SOCS5: variants seen among roughly 807,000 people sequenced by gnomAD.
SOCS5 encodes the protein CIS-6.
SOCS5 carries 32 observed loss-of-function variants against 42.8 expected under a neutral mutation model. That is an observed-to-expected ratio of 0.75 (90% confidence interval 0.56 to 1.01). The LOEUF (loss-of-function observed/expected upper bound fraction) is 1.01. Ranked by LOEUF, SOCS5 falls within the 50% of genes least tolerant of loss-of-function variation. The pLI is 0.00. For synonymous variants in SOCS5, 283 were observed against 229.6 expected (o/e 1.23, Z -2.10); for missense variants, 627 against 653.0 (o/e 0.96, Z 0.43).
chr2:46,732,636 C>A (rs1242755302), intron 1 of SOCS5, among the ~76,000 whole-genome samples: 1 of 152,154 alleles, frequency 6.6e-6, no homozygotes, highest in East Asian at 1.9e-4. Context: ...AAACTATTTC[C>A]CAGTGCTGAT....
chr2:46,747,403 GCAGGGTTTTGCCTTGTTGCC>G (rs1673526964), intron 1 of SOCS5, among the ~76,000 whole-genome samples: 1 of 151,876 alleles, frequency 6.6e-6, no homozygotes, highest in Non-Finnish European at 1.5e-5. Context: ...GTATATAGAG[GCAGGGTTTTGCCTTGTTGCC>G]CAGGCTGGTC....
intron 1 of SOCS5, among the ~76,000 whole-genome samples, 170 bp from the exon 2 acceptor site, chr2:46,758,349 C>T (rs1341011671): frequency 6.6e-6 from 1 of 152,226 alleles, no homozygotes; most frequent in African/African-American, 2.4e-5. Context: ...GGTGGCCTTC[C>T]TGCTGCCCAA....
chr2:46,745,746 C>A (rs1673481392), intron 1 of SOCS5, among the ~76,000 whole-genome samples: 1 of 152,178 alleles, frequency 6.6e-6, no homozygotes. Flanking sequence ...AGACTCTGCA[C>A]AAATCTCTTT....
At chr2:46,725,762 C>G (rs757993372) in intron 1 of SOCS5, among the ~76,000 whole-genome samples, 4 of 152,058 alleles carry the variant, frequency 2.6e-5, no homozygotes, top group Non-Finnish European at 5.9e-5. Flanking sequence ...CCCTTGATAT[C>G]ATTTCTCTTC....
At chr2:46,725,044 T>C (rs1422540745) in intron 1 of SOCS5, among the ~76,000 whole-genome samples, 1 of 152,132 alleles carries the variant, frequency 6.6e-6, no homozygotes, top group Non-Finnish European at 1.5e-5. Context: ...TTTGAAGTTC[T>C]GTTGTTAGGT....
chr2:46,759,766 C>T lies in SOCS5; in HGVS notation c.1236C>T (p.Asp412=). 6.2e-7 allele frequency: 1 copy of T among 1,614,168 alleles called. No individual in the cohort carries two copies. The highest frequency in any genetic ancestry group is 8.5e-7 in the Non-Finnish European group (1 of 1,180,016). ...TGCTCAGGGACTCTGCGCAAGAGGA[C>T]TACCTCTTCTCTGTGAGCTTCCGCC... is the stretch of plus-strand genomic sequence containing the variant. ...TFLLRDSAQE[D]YLFSVSFRRY... Residue 412 remains aspartate (D), a synonymous_variant, in exon 2 of 2, where the codon GAC becomes GAT. Transcript: ENST00000394861.
chr2:46,700,156 G>A (rs989529435), intron 1 of SOCS5, among the ~76,000 whole-genome samples: 15 of 152,194 alleles, frequency 9.9e-5, no homozygotes, highest in Non-Finnish European at 1.0e-4. Context: ...ATTTAAAGAA[G>A]GATGCTAAAA....
At chr2:46,739,622 C>T (rs1673325612) in intron 1 of SOCS5, among the ~76,000 whole-genome samples, 1 of 152,148 alleles carries the variant, frequency 6.6e-6, no homozygotes, top group Non-Finnish European at 1.5e-5. Context: ...TGCCCTTTCC[C>T]AGTCATACTC....
intron 1 of SOCS5, among the ~76,000 whole-genome samples, chr2:46,711,925 C>G (rs915300321): frequency 7.2e-5 from 11 of 151,750 alleles, no homozygotes; most frequent in African/African-American, 2.4e-4. Context: ...AAACTCTATT[C>G]TGTTCATCTG....
At chr2:46,722,245 C>T (rs1437807015) in intron 1 of SOCS5, among the ~76,000 whole-genome samples, 3 of 151,970 alleles carry the variant, frequency 2.0e-5, no homozygotes, top group Non-Finnish European at 4.4e-5. Flanking sequence ...TTAAAGTCTC[C>T]TTCCAGCTGT....
At chr2:46,731,519 G>C (rs1673123763) in intron 1 of SOCS5, among the ~76,000 whole-genome samples, 2 of 152,214 alleles carry the variant, frequency 1.3e-5, no homozygotes, top group Admixed American at 6.5e-5. Context: ...GGAGTTTACT[G>C]TCTATTGAAA....
intron 1 of SOCS5, among the ~76,000 whole-genome samples, chr2:46,729,819 TAAC>T (rs1673075587): frequency 6.6e-6 from 1 of 152,248 alleles, no homozygotes; most frequent in Non-Finnish European, 1.5e-5. Flanking sequence ...TAGCTTCCTT[TAAC>T]TTTTTTACTT....
chr2:46,724,261 C>G (rs1672946301), intron 1 of SOCS5, among the ~76,000 whole-genome samples: 1 of 150,570 alleles, frequency 6.6e-6, no homozygotes, highest in Admixed American at 6.6e-5. Flanking sequence ...CTTTCACTGG[C>G]TAGGATGTCA....
At chr2:46,732,705 C>T (rs184911576) in intron 1 of SOCS5, among the ~76,000 whole-genome samples, 27 of 152,296 alleles carry the variant, frequency 1.8e-4, no homozygotes, top group African/African-American at 5.8e-4. Flanking sequence ...CAGCTGGGCT[C>T]TGAGAATCTG....
At chr2:46,752,587 CTT>C (rs1673648174) in intron 1 of SOCS5, among the ~76,000 whole-genome samples, 1 of 152,152 alleles carries the variant, frequency 6.6e-6, no homozygotes, top group Non-Finnish European at 1.5e-5. Flanking sequence ...ATATTCATCT[CTT>C]ATAATTTCTT....
rs1463945846 is a variant in SOCS5 at position 46,759,343 on chromosome 2, T to C, written c.813T>C (p.Ser271=). The part of the protein sequence containing the change: ...EDRLRERRRL[S]IEEGVDPPPN... ...GGCTTAGAGAGAGAAGGCGGCTTAG[T>C]ATTGAAGAAGGGGTTGATCCCCCTC... The change falls in exon 2 of 2, where the codon AGT becomes AGC. Residue 271 remains serine, a synonymous_variant. Transcript: ENST00000394861. 6 of 1,613,958 alleles carry C rather than the reference T, an allele frequency of 3.7e-6. No homozygotes were observed. The highest frequency in any genetic ancestry group is 5.1e-6 in the Non-Finnish European group (6 of 1,179,836).
At chr2:46,747,806 A>G (rs1673538438) in intron 1 of SOCS5, among the ~76,000 whole-genome samples, 1 of 152,156 alleles carries the variant, frequency 6.6e-6, no homozygotes, top group Non-Finnish European at 1.5e-5. Flanking sequence ...AAATATTTAC[A>G]TCTGAGAGCT....
At chr2:46,725,209 T>C (rs2103717985) in intron 1 of SOCS5, among the ~76,000 whole-genome samples, 1 of 152,212 alleles carries the variant, frequency 6.6e-6, no homozygotes, top group East Asian at 1.9e-4. Context: ...TAGTTCTATG[T>C]TATATCTTTT....
intron 1 of SOCS5, among the ~76,000 whole-genome samples, chr2:46,728,755 C>T (rs1373254787): frequency 6.6e-6 from 1 of 152,182 alleles, no homozygotes; most frequent in Non-Finnish European, 1.5e-5. Context: ...GGGGCTTCTC[C>T]ATGTTGGCCA....
Sources: gnomAD v4.1 joint callset for allele counts (sites outside exome capture counted in the v4.1 genomes callset) on GRCh38, gnomAD v4.1.1 for gene constraint, MANE v1.5 for transcripts, NCBI Gene and HGNC (gene_info 2026-07-23, HGNC 2026-07-21) for gene names.